Variants in RAP1GAP2 observed in about 807,000 individuals in gnomAD.
RAP1GAP2 encodes RAP1 GTPase activating protein 2.
In RAP1GAP2, 27 loss-of-function variants were observed where a neutral mutation model predicts 95.0. The ratio of observed to expected loss-of-function variants is 0.28; its 90% confidence interval spans 0.21 to 0.39. The LOEUF (loss-of-function observed/expected upper bound fraction) is 0.39, where lower values mean the gene tolerates loss of function less well. Among genes scored for constraint, RAP1GAP2 ranks in the 10% least tolerant of loss-of-function variants. The pLI, the probability that RAP1GAP2 is intolerant of heterozygous loss-of-function variation, is 1.00. For synonymous variants in RAP1GAP2, 373 were observed against 380.9 expected, an observed-to-expected ratio of 0.98 and a Z score of 0.24; for missense variants, 771 against 970.0, an observed-to-expected ratio of 0.79 and a Z score of 2.72.
chr17:2,909,023 C>T (rs116370588), intron 3 of RAP1GAP2, among the ~76,000 whole-genome samples: 3,254 of 152,230 alleles, frequency 0.021, 125 homozygotes, highest in African/African-American at 0.073. Context: ...CAGCTCTAAG[C>T]ACTGAGTTGG....
intron 2 of RAP1GAP2, among the ~76,000 whole-genome samples, chr17:2,836,937 T>G (rs537961133): frequency 6.6e-6 from 1 of 152,028 alleles, no homozygotes; most frequent in East Asian, 1.9e-4. Context: ...GAAGCAATCG[T>G]AGTGGATTGG....
chr17:2,930,425 G>A (rs1306565898), intron 3 of RAP1GAP2, among the ~76,000 whole-genome samples: 3 of 152,242 alleles, frequency 2.0e-5, no homozygotes, highest in Non-Finnish European at 2.9e-5. Flanking sequence ...GTGCCCTGGA[G>A]ACCTCATTAG....
chr17:2,847,248 C>A (rs1446745824), intron 2 of RAP1GAP2, among the ~76,000 whole-genome samples: 4 of 152,092 alleles, frequency 2.6e-5, no homozygotes, highest in African/African-American at 9.7e-5. Context: ...ACCTCGTGAT[C>A]CACCCGCCTC....
At chr17:2,887,377 C>CT (rs75268492) in intron 2 of RAP1GAP2, among the ~76,000 whole-genome samples, 1,704 of 142,146 alleles carry the variant, frequency 0.012, 27 homozygotes, top group African/African-American at 0.036. Flanking sequence ...GAATACTTAC[C>CT]TTTTTTTTTT....
rs565081132 is a variant in RAP1GAP2, at chr17:2,866,837, C to T, written c.81-38447C>T. On this transcript the variant is annotated intron_variant, in intron 2 of 24. Coordinates refer to ENST00000254695, the MANE Select transcript of RAP1GAP2 (RefSeq NM_015085.5). The surrounding 1 kb of genome is among the most constrained non-coding windows in gnomAD (Gnocchi z 4.0). ...CTGGTCTCGAACTCCTGGCCTCAAG[C>T]GATCTGCCTGTCTTGGCCTCCCAAA... 1.5e-4 allele frequency among the ~76,000 whole-genome samples: 22 copies of T among 150,488 alleles called. No individual in the cohort carries two copies. The highest frequency in any genetic ancestry group is 1.3e-4 in the Admixed American group (2 of 15,042).
intron 2 of RAP1GAP2, among the ~76,000 whole-genome samples, chr17:2,897,921 C>CTT (rs139128312): frequency 3.0e-5 from 4 of 135,202 alleles, no homozygotes; most frequent in African/African-American, 8.3e-5. Context: ...TCTGCGGAGT[C>CTT]TTTTTTTTTT....
At chr17:2,787,692 C>G (rs771634567) in intron 1 of RAP1GAP2, among the ~76,000 whole-genome samples, 1 of 152,020 alleles carries the variant, frequency 6.6e-6, no homozygotes, top group Non-Finnish European at 1.5e-5. Flanking sequence ...CTCAGCCTCC[C>G]GAGTAGCTGG....
At chr17:2,755,943 A>C (rs1597254882) in intron 1 of RAP1GAP2, among the ~76,000 whole-genome samples, 1 of 139,616 alleles carries the variant, frequency 7.2e-6, no homozygotes. Context: ...GGTCCCCACC[A>C]CCCCGCGTCC....
chr17:2,991,091 C>T (rs924902154), intron 11 of RAP1GAP2, among the ~76,000 whole-genome samples: 33 of 152,104 alleles, frequency 2.2e-4, no homozygotes, highest in Non-Finnish European at 4.6e-4. Flanking sequence ...GTGATCCACC[C>T]GCCTCAGCCT....
chr17:2,850,278 G>C (rs1323334224), intron 2 of RAP1GAP2, among the ~76,000 whole-genome samples: 1 of 151,516 alleles, frequency 6.6e-6, no homozygotes, highest in African/African-American at 2.4e-5. Context: ...GGGATTACAG[G>C]CGTGAGCCAC....
At position 2,957,862 on chromosome 17, in the gene RAP1GAP2, G is replaced by T. The variant is rs910226622; in HGVS notation, c.201+68G>T. 1.7e-5 allele frequency: 25 copies of T among 1,448,342 alleles called. 1 individual carries two copies. Among genetic ancestry groups the T allele is most frequent in the Non-Finnish European group, 1.5e-5 (16 of 1,074,404 alleles). 89.7% of individuals were successfully genotyped at this position (1,448,342 alleles called of 1,614,324 possible). On this transcript the variant is annotated intron_variant, in intron 4 of 24. Transcript: ENST00000254695. ...CAGATGTGGGTGGCATAGGGACCAG[G>T]CAGAACCCACGGGCAGAAGCCGGGT... is the stretch of plus-strand genomic sequence containing the variant.
At chr17:2,890,049 G>C (rs573998911) in intron 2 of RAP1GAP2, among the ~76,000 whole-genome samples, 20 of 151,752 alleles carry the variant, frequency 1.3e-4, no homozygotes, top group Admixed American at 6.6e-4. Context: ...GGTTGGGTTA[G>C]AGCATGCTGT....
At chr17:2,842,641 C>G (rs2071418827) in intron 2 of RAP1GAP2, among the ~76,000 whole-genome samples, 1 of 151,942 alleles carries the variant, frequency 6.6e-6, no homozygotes, top group Non-Finnish European at 1.5e-5. Context: ...GCCGTGGGTG[C>G]CCTAAGAGAG....
intron 2 of RAP1GAP2, among the ~76,000 whole-genome samples, chr17:2,832,285 G>T (rs935061070): frequency 2.0e-5 from 3 of 151,062 alleles, no homozygotes; most frequent in Non-Finnish European, 4.4e-5. Flanking sequence ...TCGGCCGGGC[G>T]CGGTGGCTCA....
chr17:3,002,797 T>C (rs1332189059), intron 14 of RAP1GAP2, among the ~76,000 whole-genome samples: 2 of 152,154 alleles, frequency 1.3e-5, no homozygotes, highest in African/African-American at 4.8e-5. Context: ...TCCTTCCCTC[T>C]CTGGGCCTCT....
intron 12 of RAP1GAP2, among the ~76,000 whole-genome samples, chr17:2,993,585 T>A (rs372957339): frequency 0.08 from 11,822 of 147,998 alleles, 811 homozygotes; most frequent in South Asian, 0.2. Flanking sequence ...AAAAAAAAAA[T>A]AAATAAATAA....
intron 10 of RAP1GAP2, among the ~76,000 whole-genome samples, chr17:2,984,308 A>T (rs979544461): frequency 7.2e-5 from 11 of 152,198 alleles, no homozygotes; most frequent in Non-Finnish European, 1.5e-4. Context: ...AGACCACGCC[A>T]TTGCACTCCA....
At chr17:2,934,879 C>T (rs181752586) in intron 3 of RAP1GAP2, among the ~76,000 whole-genome samples, 1 of 152,302 alleles carries the variant, frequency 6.6e-6, no homozygotes, top group Admixed American at 6.5e-5. Flanking sequence ...GAGGAAAGAT[C>T]AGTCTTAGCT....
intron 3 of RAP1GAP2, among the ~76,000 whole-genome samples, chr17:2,921,663 C>T (rs544135220): frequency 5.3e-5 from 8 of 151,236 alleles, no homozygotes; most frequent in South Asian, 2.1e-4. Flanking sequence ...TCCTCAGGGC[C>T]GTTAAGGTGT....
Sources: allele counts gnomAD v4.1 joint callset (sites outside exome capture counted in the v4.1 genomes callset), GRCh38; gene constraint gnomAD v4.1.1; non-coding constraint Gnocchi (gnomAD v3.1); transcripts MANE v1.5; gene names NCBI Gene and HGNC (gene_info 2026-07-23, HGNC 2026-07-21).